The following DGKA variants were observed in gnomAD, a reference collection of about 807,000 sequenced individuals.
DGKA encodes the protein 80 kDa diacylglycerol kinase.
In DGKA, 35 loss-of-function variants were observed where a neutral mutation model predicts 105.0. The observed-to-expected ratio is 0.33, with a 90% confidence interval of 0.25 to 0.44. The LOEUF (loss-of-function observed/expected upper bound fraction) is 0.44. Among genes scored for constraint, DGKA ranks in the 20% least tolerant of loss-of-function variants. The pLI is 1.00. For missense variants in DGKA, 665 were observed against 915.0 expected (o/e 0.73, Z 3.53); for synonymous variants, 296 against 332.0 (o/e 0.89, Z 1.18).
chr12:55,937,202 T>C, intron 3 of DGKA, 112 bp downstream of exon 3: 6 of 1,274,642 alleles, frequency 4.7e-6, no homozygotes, highest in African/African-American at 1.5e-5. Context: ...CCTCTAGAGA[T>C]ACCCTAGTGT....
At chr12:55,927,995 A>T (rs1592644575), upstream of DGKA, 3 of 551,520 alleles carry the variant, frequency 5.4e-6, no homozygotes, top group East Asian at 9.4e-5. Context: ...TGAGGATCTA[A>T]AGCGGGGCAA....
At chr12:55,939,896 C>T in intron 9 of DGKA, 186 bp from the exon 10 acceptor site, 1 of 618,044 alleles carries the variant, frequency 1.6e-6, no homozygotes, top group Non-Finnish European at 2.9e-6. Context: ...GCAGTAGCAG[C>T]TGATCTTTTA....
At chr12:55,928,942 G>T (rs1883252266), upstream of DGKA, among the ~76,000 whole-genome samples, 4 of 151,912 alleles carry the variant, frequency 2.6e-5, no homozygotes, top group South Asian at 8.3e-4. Context: ...GATCACTTGA[G>T]GTCAGGAGTT....
chr12:55,950,123 C>T (rs531911420), intron 17 of DGKA, among the ~76,000 whole-genome samples: 48 of 151,470 alleles, frequency 3.2e-4, no homozygotes, highest in African/African-American at 1.1e-3. Context: ...TGCAGGTGTC[C>T]GCCACCACGC....
intron 17 of DGKA, chr12:55,942,468 G>A (rs776996225): frequency 1.8e-6 from 1 of 554,136 alleles, no homozygotes. Context: ...AAGGGTCAAG[G>A]GTGATAGTCC....
In DGKA at chr12:55,940,590, T is replaced by A. The variant is rs745387769; in HGVS notation, c.919-34T>A. 1.3e-6 allele frequency: 2 copies of A among 1,558,362 alleles called. No homozygotes were observed. Among genetic ancestry groups the A allele is most frequent in the Non-Finnish European group, 1.7e-6 (2 of 1,154,056 alleles). On this transcript the variant is annotated intron_variant, in intron 11 of 23. Coordinates refer to ENST00000331886, the MANE Select transcript of DGKA (RefSeq NM_001345.5). The surrounding 1 kb of genome is among the most constrained non-coding windows in gnomAD (Gnocchi z 4.3). ...CAGGTTGAGAGGAGACAGGGTTACC[T>A]TCGTGATCTCTCTGTGCCCACCTCG...
In DGKA at chr12:55,932,853, G is replaced by C. The variant is rs566067546; in HGVS notation, c.-82+1509G>C. ...TGAGGGCTACCTACTAGCAGCAACG[G>C]TCAGGGAGAGGAGGAGGATACAGTC... is the stretch of plus-strand genomic sequence containing the variant. On this transcript the variant is annotated intron_variant, in intron 1 of 23. Coordinates refer to ENST00000331886, the MANE Select transcript of DGKA (RefSeq NM_001345.5). The surrounding 1 kb of genome is among the most constrained non-coding windows in gnomAD (Gnocchi z 4.3). 3 of 481,028 alleles carry C rather than the reference G, an allele frequency of 6.2e-6. No individual in the cohort carries two copies. The highest frequency in any genetic ancestry group is 3.5e-5 in the Admixed American group (1 of 28,768). The allele number at this position is 481,028 out of a possible 1,614,324, so 29.8% of individuals were successfully genotyped here.
intron 6 of DGKA, 175 bp downstream of exon 6, chr12:55,938,735 T>G (rs1043108809): frequency 1.3e-6 from 2 of 1,539,714 alleles, no homozygotes; most frequent in Non-Finnish European, 1.8e-6. Flanking sequence ...AAGAGAATGC[T>G]GGATACATGA....
Position 55,952,854 on chromosome 12 carries a change from A to G in DGKA, c.1864A>G (p.Ile622Val), listed in dbSNP as rs944134708. Residue 622 changes from isoleucine (I) to valine (V), a missense_variant, in exon 21 of 24, where the codon ATC (isoleucine) becomes GTC (valine). By Grantham distance (29) the Ile-to-Val change is conservative (BLOSUM62 3). Around this residue, in one of 3 missense-constraint regions of DGKA, gnomAD observed 158 missense variants for 213.4 expected, o/e 0.74. Coordinates refer to ENST00000331886, the MANE Select transcript of DGKA (RefSeq NM_001345.5). This position sits in a 1 kb window ranked among gnomAD's most constrained non-coding sequence, Gnocchi z 5.1. The stretch of plus-strand genomic sequence containing the variant: ...TGATACCAGGAGACCCCATGGGGAT[A>G]TCTATGGGATCAACCAGGCCTTAGG... ...WGDTRRPHGD[I>V]YGINQALGAT... 6 of 1,614,026 alleles carry G rather than the reference A, an allele frequency of 3.7e-6. No individual in the cohort carries two copies. The highest frequency in any genetic ancestry group is 2.7e-5 in the African/African-American group (2 of 74,912).
intron 22 of DGKA, 78 bp downstream of exon 22, chr12:55,953,238 G>A: frequency 6.2e-7 from 1 of 1,611,224 alleles, no homozygotes; most frequent in East Asian, 2.2e-5. Context: ...ATGGTGGGGA[G>A]GGGCTTTACT....
Position 55,937,963 on chromosome 12 carries a change from CT to C in DGKA, c.275-9del, listed in dbSNP as rs1357592502. 1 of 1,613,128 alleles carries C rather than the reference CT, an allele frequency of 6.2e-7. No individual in the cohort carries two copies. Among genetic ancestry groups the C allele is most frequent in the Admixed American group, 1.7e-5 (1 of 59,994 alleles). On this transcript the variant is annotated splice_polypyrimidine_tract_variant and intron_variant, in intron 4 of 23. Coordinates refer to ENST00000331886, the MANE Select transcript of DGKA (RefSeq NM_001345.5). The stretch of plus-strand genomic sequence containing the variant: ...GGAGGGAGCCCTGACTTCTGATCTG[CT>C]TTTTTGTAACCAGATGTGGTGTGTC...
intron 17 of DGKA, 72 bp downstream of exon 17, chr12:55,942,335 A>G: frequency 7.1e-7 from 1 of 1,401,460 alleles, no homozygotes; most frequent in Non-Finnish European, 1.0e-6. Flanking sequence ...CTTAGAGAAG[A>G]AACTAGGCAT....
At chr12:55,942,426 T>C in intron 17 of DGKA, 163 bp downstream of exon 17, 4 of 658,274 alleles carry the variant, frequency 6.1e-6, no homozygotes, top group Non-Finnish European at 7.9e-6. Context: ...AAGAGAGCTT[T>C]GGAAGAAGCA....
chr12:55,946,689 C>T (rs1028614977), intron 17 of DGKA, among the ~76,000 whole-genome samples: 7 of 152,168 alleles, frequency 4.6e-5, no homozygotes, highest in African/African-American at 1.7e-4. Context: ...AAGATGTGGA[C>T]ATCTTTGAGA....
At position 55,952,399 on chromosome 12, in the gene DGKA, T is replaced by G; in HGVS notation, c.1711T>G (p.Cys571Gly). The change falls in exon 20 of 24, where the codon TGC becomes GGC. Residue 571 changes from cysteine (C) to glycine (G), a missense_variant. Cys to Gly is a radical substitution (Grantham distance 159, BLOSUM62 -3). Coordinates refer to ENST00000331886, the MANE Select transcript of DGKA (RefSeq NM_001345.5). The surrounding 1 kb of genome is among the most constrained non-coding windows in gnomAD (Gnocchi z 5.1). ...CACATCTGAATCCATCTTCTCAACATGCAAAAAGCTGGAGGAGTCTTTGAC... is the reference window on the plus strand; with the variant it reads ...CACATCTGAATCCATCTTCTCAACAGGCAAAAAGCTGGAGGAGTCTTTGAC... ...FATSESIFST[C>G]KKLEESLTVE... 6.2e-7 allele frequency: 1 copy of G among 1,614,166 alleles called. No individual in the cohort carries two copies. Among genetic ancestry groups the G allele is most frequent in the Non-Finnish European group, 8.5e-7 (1 of 1,180,024 alleles).
At chr12:55,929,579 AG>A (rs1883274981), upstream of DGKA, 1 of 152,238 alleles carries the variant, frequency 6.6e-6, no homozygotes, top group African/African-American at 2.4e-5. Context: ...CACCCTGAGG[AG>A]GAACAGGGCA....
Position 55,936,417 on chromosome 12 carries a change from C to T in DGKA, c.-81-6C>T. ...TCCCACTGTACGCTCTGTCACCTTT[C>T]CCCAGGCCTACCCTCTGAAGAGGTC... is the stretch of plus-strand genomic sequence containing the variant. On this transcript the variant is annotated splice_region_variant and splice_polypyrimidine_tract_variant and intron_variant, in intron 1 of 23. Transcript: ENST00000331886. The T allele has an allele frequency of 6.5e-7, 1 of 1,544,572 alleles. No homozygotes were observed. The highest frequency in any genetic ancestry group is 8.7e-7 in the Non-Finnish European group (1 of 1,145,106).
At position 55,940,609 on chromosome 12, in the gene DGKA, C is replaced by T. The variant is rs1304104225; in HGVS notation, c.919-15C>T. The T allele has an allele frequency of 6.4e-7, 1 of 1,569,298 alleles. No individual in the cohort carries two copies. The highest frequency in any genetic ancestry group is 8.6e-7 in the Non-Finnish European group (1 of 1,160,344). Reference sequence around the variant, plus strand: ...GTTACCTTCGTGATCTCTCTGTGCCCACCTCGTCTTTCAGATCCACGATGA... The same window carrying T: ...GTTACCTTCGTGATCTCTCTGTGCCTACCTCGTCTTTCAGATCCACGATGA... On this transcript the variant is annotated splice_polypyrimidine_tract_variant and intron_variant, in intron 11 of 23. Transcript: ENST00000331886. This position sits in a 1 kb window ranked among gnomAD's most constrained non-coding sequence, Gnocchi z 4.3.
chr12:55,937,232 T>G, intron 3 of DGKA, 142 bp downstream of exon 3: 1 of 1,226,244 alleles, frequency 8.2e-7, no homozygotes, highest in South Asian at 1.3e-5. Flanking sequence ...CTCTGACTAT[T>G]GCTTTAGGAT....
Sources: gnomAD v4.1 joint callset for allele counts (sites outside exome capture counted in the v4.1 genomes callset) on GRCh38, gnomAD v4.1.1 for gene constraint, gnomAD v4.1.1 regional missense constraint, Gnocchi (gnomAD v3.1) non-coding constraint, MANE v1.5 for transcripts, NCBI Gene and HGNC (gene_info 2026-07-23, HGNC 2026-07-21) for gene names.